Variants in LIMS1 observed in about 807,000 individuals in gnomAD.
LIMS1 encodes the protein LIM and senescent cell antigen-like-containing domain protein 1.
Under a neutral mutation model 44.1 loss-of-function variants are expected in LIMS1, and 18 were observed. The ratio of observed to expected loss-of-function variants is 0.41; its 90% CI spans 0.28 to 0.61. The LOEUF is 0.61. LIMS1 is among the 20% of genes least tolerant of loss of function. The pLI is 0.32. For missense variants in LIMS1, 201 were observed against 422.0 expected (o/e 0.48, Z 4.59); for synonymous variants, 93 against 149.1 (o/e 0.62, Z 2.74).
chr2:108,554,682 G>A (rs1377046751), intron 1 of LIMS1, among the ~76,000 whole-genome samples: 1 of 152,162 alleles, frequency 6.6e-6, no homozygotes, highest in Non-Finnish European at 1.5e-5. Context: ...AGAGGAGTGT[G>A]CTGGCCTCTA....
chr2:108,681,620 T>A, intron 9 of LIMS1: 1 of 953,980 alleles, frequency 1.0e-6, no homozygotes, highest in Non-Finnish European at 1.2e-6. Context: ...CTAAGTTATG[T>A]ATTAAATTAT....
intron 2 of LIMS1, chr2:108,662,594 T>A (rs1353262156): frequency 9.4e-7 from 1 of 1,069,180 alleles, no homozygotes; most frequent in Non-Finnish European, 1.2e-6. Context: ...AACCTGCATC[T>A]GGAGAATAAG....
At chr2:108,542,405 A>T (rs1223279026) in intron 1 of LIMS1, among the ~76,000 whole-genome samples, 1 of 152,116 alleles carries the variant, frequency 6.6e-6, no homozygotes, top group African/African-American at 2.4e-5. Context: ...ACGAAGTAGG[A>T]TCTTTATATC....
intron 8 of LIMS1, 81 bp from the exon 9 acceptor site, chr2:108,680,614 T>C (rs1182352123): frequency 1.2e-6 from 2 of 1,609,102 alleles, no homozygotes; most frequent in Non-Finnish European, 1.7e-6. Context: ...GTAGTTCTGT[T>C]TTGGAGTTGA....
chr2:108,596,142 A>T (rs1686671559), intron 1 of LIMS1, among the ~76,000 whole-genome samples: 1 of 152,258 alleles, frequency 6.6e-6, no homozygotes, highest in Non-Finnish European at 1.5e-5. Context: ...GTGTCCCTGT[A>T]GCCATTCAGC....
exon 6 of LIMS1, chr2:108,675,905 G>C (rs745940564): frequency 6.2e-7 from 1 of 1,613,982 alleles, no homozygotes; most frequent in Non-Finnish European, 8.5e-7. Flanking sequence ...ATGCACGGGA[G>C]CTGAAAGGGG....
intron 1 of LIMS1, among the ~76,000 whole-genome samples, chr2:108,583,705 T>G (rs1394468716): frequency 6.7e-6 from 1 of 148,382 alleles, no homozygotes; most frequent in African/African-American, 2.5e-5. Flanking sequence ...TGTTTCTTTT[T>G]TTTTTTTTTG....
intron 1 of LIMS1, among the ~76,000 whole-genome samples, chr2:108,579,537 A>G (rs1685808297): frequency 6.6e-6 from 1 of 152,264 alleles, no homozygotes; most frequent in Non-Finnish European, 1.5e-5. Flanking sequence ...GATTTGGACT[A>G]TGAATTAATA....
chr2:108,672,179 A>G, intron 3 of LIMS1, 146 bp from the exon 4 acceptor site: 1 of 1,308,518 alleles, frequency 7.6e-7, no homozygotes, highest in East Asian at 2.8e-5. Context: ...AAAAAAAAAA[A>G]AAAAAAAAAG....
intron 1 of LIMS1, among the ~76,000 whole-genome samples, chr2:108,575,181 T>G (rs920981378): frequency 6.6e-6 from 1 of 152,130 alleles, no homozygotes; most frequent in Non-Finnish European, 1.5e-5. Flanking sequence ...TTTTCCTAGC[T>G]AGTTTGTTTA....
intron 1 of LIMS1, among the ~76,000 whole-genome samples, chr2:108,607,996 C>G (rs1360996733): frequency 1.3e-5 from 2 of 152,138 alleles, no homozygotes; most frequent in Non-Finnish European, 2.9e-5. Context: ...ATCTTTCCTT[C>G]TTTTAAAAAT....
At chr2:108,628,178 C>T (rs1688689065) in intron 1 of LIMS1, among the ~76,000 whole-genome samples, 1 of 152,252 alleles carries the variant, frequency 6.6e-6, no homozygotes, top group Non-Finnish European at 1.5e-5. Context: ...CAGCTCTGGT[C>T]ACTTTCCCTT....
intron 1 of LIMS1, among the ~76,000 whole-genome samples, chr2:108,642,349 T>TTG (rs1558824022): frequency 3.6e-4 from 3 of 8,358 alleles, no homozygotes; most frequent in African/African-American, 6.7e-4. Flanking sequence ...TTTGTTTTTT[T>TTG]TTTTTTTTGT....
At chr2:108,592,982 T>A (rs371478920) in intron 1 of LIMS1, among the ~76,000 whole-genome samples, 1 of 152,358 alleles carries the variant, frequency 6.6e-6, no homozygotes, top group Non-Finnish European at 1.5e-5. Flanking sequence ...ATAATGCTGC[T>A]GTAAACATGG....
exon 1 of LIMS1, chr2:108,534,393 G>A (rs1573277594): frequency 3.5e-6 from 1 of 285,990 alleles, no homozygotes; most frequent in Non-Finnish European, 6.0e-6. Context: ...CGCGCGGCCC[G>A]CCTCGCCTTC....
At chr2:108,554,431 T>C (rs545300903) in intron 1 of LIMS1, among the ~76,000 whole-genome samples, 3 of 152,304 alleles carry the variant, frequency 2.0e-5, no homozygotes, top group Admixed American at 2.0e-4. Context: ...ATTGGGGTAG[T>C]GCTACTGAAG....
At chr2:108,551,676 A>G (rs983223875) in intron 1 of LIMS1, among the ~76,000 whole-genome samples, 26 of 146,034 alleles carry the variant, frequency 1.8e-4, no homozygotes, top group Non-Finnish European at 3.3e-4. Flanking sequence ...ACATATATAC[A>G]TATATACACT....
chr2:108,624,847 G>A (rs949746484), intron 1 of LIMS1, among the ~76,000 whole-genome samples: 3 of 152,240 alleles, frequency 2.0e-5, no homozygotes, highest in African/African-American at 7.2e-5. Flanking sequence ...GGGAGGCCGA[G>A]GCAGGCAGAT....
intron 1 of LIMS1, among the ~76,000 whole-genome samples, chr2:108,547,956 G>A (rs140946297): frequency 7.9e-5 from 12 of 152,294 alleles, no homozygotes; most frequent in African/African-American, 2.9e-4. Context: ...TAGGAGTGTG[G>A]GTAGTGATAT....
Sources: allele counts gnomAD v4.1 joint callset (sites outside exome capture counted in the v4.1 genomes callset), GRCh38; gene constraint gnomAD v4.1.1; transcripts MANE v1.5; gene names NCBI Gene and HGNC (gene_info 2026-07-23, HGNC 2026-07-21).